Variants in EDEM3 observed in about 807,000 individuals in gnomAD.
EDEM3 encodes the protein ER degradation enhancing alpha-mannosidase like protein 3.
A neutral mutation model predicts 110.2 loss-of-function variants in EDEM3; 60 were observed. That is an observed-to-expected ratio of 0.54 (90% CI 0.44 to 0.67). EDEM3 has a LOEUF of 0.67. Ranked by LOEUF, EDEM3 falls within the 30% of genes least tolerant of loss-of-function variation. The pLI is 0.00. For missense variants in EDEM3, 996 were observed against 1,121.0 expected, an observed-to-expected ratio of 0.89 and a Z score of 1.59; for synonymous variants, 352 against 382.9, an observed-to-expected ratio of 0.92 and a Z score of 0.94.
chr1:184,747,569 T>C (rs1571425290), intron 2 of EDEM3, among the ~76,000 whole-genome samples: 1 of 152,232 alleles, frequency 6.6e-6, no homozygotes, highest in East Asian at 1.9e-4. Context: ...TGTAAAATAG[T>C]TGAACATTTT....
At chr1:184,749,868 T>C (rs1652656025) in intron 1 of EDEM3, among the ~76,000 whole-genome samples, 1 of 152,202 alleles carries the variant, frequency 6.6e-6, no homozygotes, top group African/African-American at 2.4e-5. Flanking sequence ...AACTGATGAA[T>C]GATAGATGCC....
chr1:184,711,440 T>C lies in EDEM3; in HGVS notation c.1691+283A>G, dbSNP rs146729049. Among the ~76,000 whole-genome samples, 437 of 152,298 alleles carry C rather than the reference T, an allele frequency of 2.9e-3. 5 individuals carry two copies. The East Asian group carries it at 0.036, about 12-fold the overall frequency. On this transcript the variant is annotated intron_variant, in intron 15 of 19. Coordinates refer to ENST00000318130, the MANE Select transcript of EDEM3 (RefSeq NM_025191.4). ...AAACTATTCCATGAAAAATGAGTTATAGAAGTTAAAAACTGTTACATGCTG... is the reference window on the plus strand; with the variant it reads ...AAACTATTCCATGAAAAATGAGTTACAGAAGTTAAAAACTGTTACATGCTG...
Position 184,712,014 on chromosome 1 carries a change from T to C in EDEM3, c.1537-137A>G, listed in dbSNP as rs138514680. ...TAATCTCTGCTCACTGTAAGCTCCATCTCCTGGGTTCATGCCATTCTCCTG... is the reference window on the plus strand; with the variant it reads ...TAATCTCTGCTCACTGTAAGCTCCACCTCCTGGGTTCATGCCATTCTCCTG... On this transcript the variant is annotated intron_variant, in intron 14 of 19. Coordinates refer to ENST00000318130, the MANE Select transcript of EDEM3 (RefSeq NM_025191.4). 9.6e-6 allele frequency: 6 copies of C among 624,698 alleles called. No homozygotes were observed. In the Admixed American group the frequency reaches 2.1e-4, roughly 22 times the overall value. The allele number at this position is 624,698 out of a possible 1,614,324, so 38.7% of individuals were successfully genotyped here.
chr1:184,726,132 G>A, intron 7 of EDEM3, 123 bp downstream of exon 7: 2 of 1,313,706 alleles, frequency 1.5e-6, no homozygotes, highest in Non-Finnish European at 1.0e-6. Flanking sequence ...AAGGAATTTA[G>A]ACAAAAAGTT....
At chr1:184,721,857 T>A (rs1354756991) in intron 8 of EDEM3, among the ~76,000 whole-genome samples, 2 of 150,882 alleles carry the variant, frequency 1.3e-5, no homozygotes, top group African/African-American at 4.9e-5. Context: ...AAAAAAAAAA[T>A]GATAGGCAGG....
intron 2 of EDEM3, among the ~76,000 whole-genome samples, chr1:184,746,326 G>A (rs1332765907): frequency 6.6e-6 from 1 of 152,234 alleles, no homozygotes; most frequent in African/African-American, 2.4e-5. Context: ...CCAAGAACAG[G>A]AAAGAATGTA....
chr1:184,737,137 T>C, intron 3 of EDEM3, 73 bp from the exon 4 acceptor site: 2 of 1,274,094 alleles, frequency 1.6e-6, no homozygotes, highest in Non-Finnish European at 2.3e-6. Context: ...AGTAGACTTA[T>C]CTACATTCTA....
intron 8 of EDEM3, 107 bp downstream of exon 8, chr1:184,723,644 C>G: frequency 1.1e-6 from 1 of 919,748 alleles, no homozygotes; most frequent in South Asian, 1.5e-5. Flanking sequence ...CTTGTGAGAA[C>G]CTATGCTTTA....
intron 16 of EDEM3, among the ~76,000 whole-genome samples, chr1:184,710,045 T>C (rs1650140856): frequency 1.3e-5 from 2 of 152,078 alleles, no homozygotes; most frequent in South Asian, 2.1e-4. Context: ...CATGGAGATA[T>C]GAATATTAAA....
intron 19 of EDEM3, among the ~76,000 whole-genome samples, chr1:184,696,410 T>C (rs574672401): frequency 9.7e-4 from 147 of 152,050 alleles, no homozygotes; most frequent in Non-Finnish European, 1.7e-3. Context: ...AAAATTATTA[T>C]GCTTTTCTGT....
chr1:184,749,738 G>A (rs193104529), intron 1 of EDEM3, 146 bp from the exon 2 acceptor site: 3 of 639,916 alleles, frequency 4.7e-6, no homozygotes, highest in African/African-American at 3.8e-5. Context: ...GACATAAACA[G>A]AATCAGAAAC....
intron 2 of EDEM3, among the ~76,000 whole-genome samples, chr1:184,744,901 T>C (rs1652345671): frequency 6.6e-6 from 1 of 152,092 alleles, no homozygotes; most frequent in African/African-American, 2.4e-5. Flanking sequence ...TGATGCCATA[T>C]ATATGAAATC....
intron 2 of EDEM3, among the ~76,000 whole-genome samples, chr1:184,738,002 G>C (rs1048096211): frequency 6.6e-6 from 1 of 151,976 alleles, no homozygotes; most frequent in Non-Finnish European, 1.5e-5. Flanking sequence ...TATCCTTCCA[G>C]ATTTATCCCA....
intron 6 of EDEM3, among the ~76,000 whole-genome samples, chr1:184,730,752 T>C (rs1388067832): frequency 6.6e-6 from 1 of 152,094 alleles, no homozygotes; most frequent in Admixed American, 6.6e-5. Flanking sequence ...ATGCTATATC[T>C]CCAGTCAAGG....
chr1:184,711,906 A>G (rs1172369848), intron 14 of EDEM3, 29 bp from the exon 15 acceptor site: 5 of 1,542,878 alleles, frequency 3.2e-6, no homozygotes, highest in Non-Finnish European at 4.4e-6. Flanking sequence ...TTATGTAAAC[A>G]GAAATAATTA....
intron 1 of EDEM3, among the ~76,000 whole-genome samples, chr1:184,752,000 G>A (rs963747492): frequency 2.0e-5 from 3 of 152,098 alleles, no homozygotes; most frequent in Non-Finnish European, 2.9e-5. Context: ...TGATTCGCCC[G>A]CCTCAGCCTC....
At chr1:184,700,742 G>A (rs1649570148) in intron 19 of EDEM3, among the ~76,000 whole-genome samples, 6 of 152,074 alleles carry the variant, frequency 3.9e-5, no homozygotes, top group Admixed American at 3.3e-4. Flanking sequence ...AATGATAACC[G>A]CTACAGACTG....
In EDEM3 at chr1:184,693,291, G is replaced by A. The variant is rs1649153039; in HGVS notation, c.*772C>T. 1 of 154,628 alleles carries A rather than the reference G, an allele frequency of 6.5e-6. No individual in the cohort carries two copies. Among genetic ancestry groups the A allele is most frequent in the Non-Finnish European group, 1.5e-5 (1 of 68,178 alleles). 9.6% of individuals were successfully genotyped at this position (154,628 alleles called of 1,614,324 possible). A position where few individuals can be genotyped will look rare whatever the true frequency, so the allele number is the denominator to read the frequency against. On this transcript the variant is annotated 3_prime_UTR_variant, in exon 20 of 20. Coordinates refer to ENST00000318130, the MANE Select transcript of EDEM3 (RefSeq NM_025191.4). ...GAAGGCCCAATGGGAGGTTCATATT[G>A]CAACATTACAGTTTCTCCCTTACTC...
At position 184,723,814 on chromosome 1, in the gene EDEM3, G is replaced by A; in HGVS notation, c.790C>T (p.Gln264Ter). The change falls in exon 8 of 20, where the codon CAG (glutamine) becomes TAG (stop). Residue 264 changes from glutamine (Q) to a stop codon, truncating the protein, a stop_gained. Coordinates refer to ENST00000318130, the MANE Select transcript of EDEM3 (RefSeq NM_025191.4). LOFTEE classifies it high-confidence loss of function. ...ACGCCCACTAAATTACTACTTCGCT[G>A]TCTTTTTTCCCAGAGAAAATCAAGA... is the stretch of plus-strand genomic sequence containing the variant. ...KALDFLWEKR[Q>*]RSSNLVGVTI... 1 of 1,558,606 alleles carries A rather than the reference G, an allele frequency of 6.4e-7. No homozygotes were observed. The highest frequency in any genetic ancestry group is 8.6e-7 in the Non-Finnish European group (1 of 1,156,576).
Sources: allele counts gnomAD v4.1 joint callset (sites outside exome capture counted in the v4.1 genomes callset), GRCh38; gene constraint gnomAD v4.1.1; transcripts MANE v1.5; gene names NCBI Gene and HGNC (gene_info 2026-07-23, HGNC 2026-07-21).